Variants in EPC2 observed in about 807,000 individuals in gnomAD.
EPC2 encodes the protein enhancer of polycomb homolog 2.
In EPC2, 14 loss-of-function variants were observed where a neutral mutation model predicts 92.1. The ratio of observed to expected loss-of-function variants is 0.15; its 90% CI spans 0.10 to 0.24. EPC2 has a LOEUF of 0.24. Among genes scored for constraint, EPC2 ranks in the 10% least tolerant of loss-of-function variants. The pLI, the probability that EPC2 is intolerant of heterozygous loss-of-function variation, is 1.00. For synonymous variants in EPC2, 340 were observed against 334.7 expected (o/e 1.02, Z -0.17); for missense variants, 755 against 971.5 (o/e 0.78, Z 2.96).
intron 1 of EPC2, among the ~76,000 whole-genome samples, chr2:148,685,207 A>G (rs531707042): frequency 4.6e-5 from 7 of 151,294 alleles, no homozygotes; most frequent in African/African-American, 1.7e-4. Flanking sequence ...GGTGTCCTTT[A>G]TTGAACAAAA....
chr2:148,676,336 CAA>C (rs1289487568), intron 1 of EPC2, among the ~76,000 whole-genome samples: 5 of 151,058 alleles, frequency 3.3e-5, no homozygotes, highest in Non-Finnish European at 7.4e-5. Context: ...ATCTAGGTTT[CAA>C]AAAGATTTTT....
At chr2:148,747,167 A>G (rs1181732889) in intron 3 of EPC2, among the ~76,000 whole-genome samples, 2 of 151,960 alleles carry the variant, frequency 1.3e-5, no homozygotes, top group South Asian at 2.1e-4. Flanking sequence ...TTAACCTTCT[A>G]TATACCCTAT....
chr2:148,658,835 G>T (rs1306955721), intron 1 of EPC2, among the ~76,000 whole-genome samples: 1 of 151,686 alleles, frequency 6.6e-6, no homozygotes, highest in Non-Finnish European at 1.5e-5. Context: ...ATGTTATATA[G>T]TTTATTTTGT....
At chr2:148,772,838 G>C (rs913861973) in intron 10 of EPC2, among the ~76,000 whole-genome samples, 7 of 152,072 alleles carry the variant, frequency 4.6e-5, no homozygotes, top group Non-Finnish European at 1.0e-4. Flanking sequence ...TTTTCAGCCA[G>C]CTCTAAGACA....
At chr2:148,741,595 A>G (rs1453221899) in intron 2 of EPC2, among the ~76,000 whole-genome samples, 1 of 152,168 alleles carries the variant, frequency 6.6e-6, no homozygotes, top group African/African-American at 2.4e-5. Context: ...ATGCCAGGAC[A>G]TTTCACGTGG....
chr2:148,740,832 T>G (rs189166984), intron 2 of EPC2, among the ~76,000 whole-genome samples: 26 of 152,300 alleles, frequency 1.7e-4, no homozygotes, highest in Non-Finnish European at 3.7e-4. Context: ...CTACCTGATT[T>G]TATTGACTGT....
chr2:148,715,228 T>C (rs186161279), intron 2 of EPC2, among the ~76,000 whole-genome samples: 36 of 152,184 alleles, frequency 2.4e-4, no homozygotes, highest in African/African-American at 7.9e-4. Context: ...AGAGACCAGG[T>C]TTCACCATGT....
Position 148,783,608 on chromosome 2 carries a change from C to T in EPC2, c.1869C>T (p.Thr623=). ...QTHPKAQGSS[T]SDCMSKTLDS... The stretch of plus-strand genomic sequence containing the variant: ...TGTTCATTTTATAGGGCTCAAGCAC[C>T]TCTGACTGTATGTCTAAAACACTTG... Residue 623 remains threonine, a synonymous_variant, in exon 12 of 14, where the codon ACC becomes ACT. Transcript: ENST00000258484. 1 of 1,606,590 alleles carries T rather than the reference C, an allele frequency of 6.2e-7. No homozygotes were observed.
intron 1 of EPC2, among the ~76,000 whole-genome samples, chr2:148,681,257 G>T (rs754490395): frequency 1.3e-5 from 2 of 152,132 alleles, no homozygotes; most frequent in Non-Finnish European, 2.9e-5. Context: ...TGATAAAAGA[G>T]ATTTTTTTTT....
intron 1 of EPC2, among the ~76,000 whole-genome samples, chr2:148,645,744 C>T (rs973317957): frequency 1.1e-4 from 16 of 152,014 alleles, no homozygotes; most frequent in Non-Finnish European, 2.2e-4. Context: ...CCACGACTAC[C>T]GAGCGGGTCG....
intron 1 of EPC2, among the ~76,000 whole-genome samples, chr2:148,656,311 A>G (rs920635399): frequency 6.6e-6 from 1 of 152,176 alleles, no homozygotes; most frequent in East Asian, 1.9e-4. Context: ...GTTGTCAGCA[A>G]AGCCTTGCAT....
chr2:148,781,684 G>A lies in EPC2; in HGVS notation c.1761G>A (p.Gln587=), dbSNP rs1039085349. ...CAGAAGAGCAGTTTCAGACACATCA[G>A]CAGCAGTTAGTTCAGATGCAAAGGC... is the stretch of plus-strand genomic sequence containing the variant. The part of the protein sequence containing the change: ...GITEEQFQTH[Q]QQLVQMQRQQ... Residue 587 remains glutamine (Q), a synonymous_variant, in exon 11 of 14, where the codon CAG becomes CAA. Coordinates refer to ENST00000258484, the MANE Select transcript of EPC2 (RefSeq NM_015630.4). The A allele has an allele frequency of 5.0e-6, 8 of 1,613,932 alleles. No individual in the cohort carries two copies. Among genetic ancestry groups the A allele is most frequent in the Non-Finnish European group, 6.8e-6 (8 of 1,179,870 alleles).
At position 148,644,821 on chromosome 2, in the gene EPC2, G is replaced by A. The variant is rs1273547418; in HGVS notation, c.-197G>A. On this transcript the variant is annotated 5_prime_UTR_variant, in exon 1 of 14. Transcript: ENST00000258484. ...GGGCGAGCGGCGGATCTAGTGTGTG[G>A]AGGCGGCCGCGGGCGCGGGGGGCTG... Among the ~76,000 whole-genome samples the A allele has an allele frequency of 9.8e-6, 1 of 101,702 alleles. No homozygotes were observed. The highest frequency in any genetic ancestry group is 2.1e-5 in the Non-Finnish European group (1 of 48,762). 66.7% of individuals were successfully genotyped at this position (101,702 alleles called of 152,430 possible).
intron 6 of EPC2, 109 bp downstream of exon 6, chr2:148,762,911 G>T (rs113622208): frequency 8.2e-7 from 1 of 1,225,332 alleles, no homozygotes; most frequent in East Asian, 2.5e-5. Flanking sequence ...AGTAATTAAC[G>T]TGACTTTAGT....
chr2:148,775,390 GT>G (rs1413829411), intron 10 of EPC2, among the ~76,000 whole-genome samples: 1 of 151,826 alleles, frequency 6.6e-6, no homozygotes, highest in Non-Finnish European at 1.5e-5. Context: ...TTGAAATGAT[GT>G]TCTTAAATCC....
rs781231709 is a variant in EPC2 at position 148,754,272 on chromosome 2, G to A, written c.666+139G>A. The A allele has an allele frequency of 2.4e-4, 173 of 729,370 alleles. No individual in the cohort carries two copies. The Middle Eastern group carries it at 4.8e-3, about 20-fold the overall frequency. The allele number at this position is 729,370 out of a possible 1,614,324, so 45.2% of individuals were successfully genotyped here. On this transcript the variant is annotated intron_variant, in intron 4 of 13. Coordinates refer to ENST00000258484, the MANE Select transcript of EPC2 (RefSeq NM_015630.4). ...CTTTCTATAAGAAATCCTACTTTTC[G>A]TCTGATCCGTGGTCAGACACATTAT...
At chr2:148,735,125 T>C (rs1574612206) in intron 2 of EPC2, among the ~76,000 whole-genome samples, 2 of 152,190 alleles carry the variant, frequency 1.3e-5, no homozygotes, top group East Asian at 3.9e-4. Context: ...GTGTGTGTCA[T>C]CTTGTCCACA....
At chr2:148,734,282 T>G (rs889534177) in intron 2 of EPC2, among the ~76,000 whole-genome samples, 3 of 152,096 alleles carry the variant, frequency 2.0e-5, no homozygotes, top group Admixed American at 2.0e-4. Flanking sequence ...GGGTACAAAT[T>G]AATCTTTAAA....
chr2:148,757,415 T>C (rs1683213372), intron 4 of EPC2, among the ~76,000 whole-genome samples: 1 of 152,106 alleles, frequency 6.6e-6, no homozygotes, highest in Non-Finnish European at 1.5e-5. Context: ...TAGAAATAGA[T>C]ATAGATCTGT....
Sources: gnomAD v4.1 joint callset for allele counts (sites outside exome capture counted in the v4.1 genomes callset) on GRCh38, gnomAD v4.1.1 for gene constraint, MANE v1.5 for transcripts, NCBI Gene and HGNC (gene_info 2026-07-23, HGNC 2026-07-21) for gene names.